ARID1A: variants seen among roughly 807,000 people sequenced by gnomAD.
ARID1A encodes the protein AT-rich interaction domain 1A, also known as AT-rich interactive domain-containing protein 1A.
In ARID1A, 20 loss-of-function variants were observed where a neutral mutation model predicts 212.6. That is an observed-to-expected ratio of 0.09 (90% CI 0.07 to 0.14). The LOEUF is 0.14. ARID1A is among the 10% of genes least tolerant of loss of function. The pLI, the probability that ARID1A is intolerant of heterozygous loss-of-function variation, is 1.00. For synonymous variants in ARID1A, 1,376 were observed against 1,222.1 expected (o/e 1.13, Z -2.63); for missense variants, 2,587 against 3,059.0 (o/e 0.85, Z 3.64).
intron 6 of ARID1A, among the ~76,000 whole-genome samples, chr1:26,761,731 G>A (rs1378343583): frequency 6.6e-6 from 1 of 152,150 alleles, no homozygotes; most frequent in East Asian, 1.9e-4. Context: ...TTACTTCTTT[G>A]TGCTGAGACC....
intron 4 of ARID1A, among the ~76,000 whole-genome samples, chr1:26,755,013 G>C (rs534268294): frequency 2.6e-5 from 4 of 152,168 alleles, no homozygotes; most frequent in Non-Finnish European, 4.4e-5. Context: ...GGAGGTTGAG[G>C]TGGGAGGATG....
chr1:26,720,420 C>G, intron 1 of ARID1A, among the ~76,000 whole-genome samples: 1 of 150,688 alleles, frequency 6.6e-6, no homozygotes, highest in Non-Finnish European at 1.5e-5. Flanking sequence ...TTGCAGTGAG[C>G]TGAGATGGCG....
In ARID1A at chr1:26,696,329, C is replaced by T. The variant is rs1262555380; in HGVS notation, c.-75C>T. Reference sequence around the variant, plus strand: ...GGGGAGGGCAGCCCGGGGGACTGGGCCCCGGGGCGGGGTGGGAGGGGGGGA... The same window carrying T: ...GGGGAGGGCAGCCCGGGGGACTGGGTCCCGGGGCGGGGTGGGAGGGGGGGA... On this transcript the variant is annotated 5_prime_UTR_variant, in exon 1 of 20. Transcript: ENST00000324856. 244 of 1,198,488 alleles carry T rather than the reference C, an allele frequency of 2.0e-4. No individual in the cohort carries two copies. The highest frequency in any genetic ancestry group is 2.2e-4 in the Non-Finnish European group (209 of 966,998). 74.2% of individuals were successfully genotyped at this position (1,198,488 alleles called of 1,614,324 possible). A position where few individuals can be genotyped will look rare whatever the true frequency, so the allele number is the denominator to read the frequency against.
At chr1:26,731,706 C>T (rs1390688526) in intron 3 of ARID1A, 102 bp downstream of exon 3, 8 of 1,257,712 alleles carry the variant, frequency 6.4e-6, no homozygotes, top group East Asian at 2.4e-5. Context: ...CTCTAACGTG[C>T]ACTTAAAGAC....
intron 4 of ARID1A, among the ~76,000 whole-genome samples, chr1:26,740,607 G>C (rs2080778980): frequency 6.6e-6 from 1 of 152,188 alleles, no homozygotes; most frequent in African/African-American, 2.4e-5. Flanking sequence ...CAGGGATCCT[G>C]CTGAGCTTAA....
At chr1:26,766,726 C>G (rs2081042888) in intron 10 of ARID1A, among the ~76,000 whole-genome samples, 160 bp downstream of exon 10, 1 of 152,016 alleles carries the variant, frequency 6.6e-6, no homozygotes, top group Admixed American at 6.6e-5. Flanking sequence ...ATGAAAGGTC[C>G]CAGAATAATA....
chr1:26,775,659 C>T lies in ARID1A; in HGVS notation c.5076C>T (p.Asn1692=), dbSNP rs149468118. The part of the protein sequence containing the change: ...AESTWALDTI[N]ILLYDDNSIM... ...GCACATGGGCATTAGATACCATCAACATCCTGCTGTATGATGACAACAGCA... is the reference window on the plus strand; with the variant it reads ...GCACATGGGCATTAGATACCATCAATATCCTGCTGTATGATGACAACAGCA... The change falls in exon 19 of 20, where the codon AAC becomes AAT. Residue 1692 remains asparagine (N), a synonymous_variant. Transcript: ENST00000324856. 6.3e-5 allele frequency: 102 copies of T among 1,614,224 alleles called. No homozygotes were observed. The African/African-American group carries it at 1.2e-3, about 20-fold the overall frequency.
chr1:26,724,042 A>G (rs548752795), intron 1 of ARID1A, among the ~76,000 whole-genome samples: 5 of 152,170 alleles, frequency 3.3e-5, no homozygotes, highest in African/African-American at 1.2e-4. Context: ...GTGGGAATCA[A>G]TTAGGGGGGT....
Position 26,696,833 on chromosome 1 carries a change from C to T in ARID1A, c.430C>T (p.Pro144Ser). ...APPHSAAAAL[P>S]PPAYGFGQPY... ...TCCTCACTCAGCCGCGGCCGCCTTG[C>T]CGCCCCCAGCCTACGGCTTCGGGCA... is the stretch of plus-strand genomic sequence containing the variant. The change falls in exon 1 of 20, where the codon CCG becomes TCG. Residue 144 changes from proline (P) to serine (S), a missense_variant. By Grantham distance (74) the Pro-to-Ser change is moderately conservative. Around this residue, in one of 11 missense-constraint regions of ARID1A, gnomAD observed 735 missense variants for 590.6 expected, o/e 1.24. Transcript: ENST00000324856. 3.7e-6 allele frequency: 5 copies of T among 1,337,980 alleles called. No individual in the cohort carries two copies. The highest frequency in any genetic ancestry group is 4.8e-6 in the Non-Finnish European group (5 of 1,046,606). The allele number at this position is 1,337,980 out of a possible 1,614,324, so 82.9% of individuals were successfully genotyped here.
intron 1 of ARID1A, among the ~76,000 whole-genome samples, chr1:26,705,994 T>C (rs2080388537): frequency 6.6e-6 from 1 of 152,150 alleles, no homozygotes; most frequent in African/African-American, 2.4e-5. Flanking sequence ...ATGGTACATA[T>C]TAGAAATCAC....
At chr1:26,759,134 A>T (rs186396924) in intron 4 of ARID1A, among the ~76,000 whole-genome samples, 31 of 152,230 alleles carry the variant, frequency 2.0e-4, no homozygotes, top group African/African-American at 6.5e-4. Flanking sequence ...GCAGGAATAG[A>T]CTCAAATCAA....
intron 4 of ARID1A, among the ~76,000 whole-genome samples, chr1:26,750,207 A>C (rs2080872348): frequency 6.6e-6 from 1 of 152,226 alleles, no homozygotes; most frequent in Non-Finnish European, 1.5e-5. Context: ...TTGGGTCAAA[A>C]TAGATGGTTT....
At chr1:26,740,537 G>A (rs1302930335) in intron 4 of ARID1A, among the ~76,000 whole-genome samples, 1 of 152,178 alleles carries the variant, frequency 6.6e-6, no homozygotes, top group African/African-American at 2.4e-5. Flanking sequence ...GTGCAGTATA[G>A]ATACTTGGGG....
chr1:26,729,701 C>T lies in ARID1A; in HGVS notation c.1188C>T (p.Gly396=), dbSNP rs61749356. ...QMGKMRPQPY[G]GTNPYSQQQG... ...GCAAGATGAGACCTCAGCCATATGG[C>T]GGGACTAACCCATACTCGCAGCAAC... is the stretch of plus-strand genomic sequence containing the variant. Residue 396 remains glycine (G), a synonymous_variant, in exon 2 of 20, where the codon GGC becomes GGT. Transcript: ENST00000324856. 5,107 of 1,614,240 alleles carry T rather than the reference C, an allele frequency of 3.2e-3. 13 individuals carry two copies. Among genetic ancestry groups the T allele is most frequent in the Non-Finnish European group, 3.9e-3 (4,656 of 1,180,036 alleles).
At position 26,775,279 on chromosome 1, in the gene ARID1A, TC is replaced by T; in HGVS notation, c.4993+62del. The stretch of plus-strand genomic sequence containing the variant: ...TGCCCCTTTCCATCTTGTCCATTGT[TC>T]CCTCCACCTTACTATTCTGGATGAG... On this transcript the variant is annotated intron_variant, in intron 18 of 19. Transcript: ENST00000324856. 4 of 1,515,050 alleles carry T rather than the reference TC, an allele frequency of 2.6e-6. No homozygotes were observed. The South Asian group carries it at 4.0e-5, about 15-fold the overall frequency. The allele number at this position is 1,515,050 out of a possible 1,614,324, so 93.9% of individuals were successfully genotyped here.
intron 1 of ARID1A, among the ~76,000 whole-genome samples, chr1:26,698,609 GAATT>G (rs1342969062): frequency 6.6e-6 from 1 of 152,236 alleles, no homozygotes; most frequent in Non-Finnish European, 1.5e-5. Context: ...AGCCTGAAAT[GAATT>G]CTGTGTTGTC....
intron 1 of ARID1A, among the ~76,000 whole-genome samples, chr1:26,711,073 C>T (rs928202126): frequency 6.6e-6 from 1 of 151,694 alleles, no homozygotes; most frequent in African/African-American, 2.4e-5. Context: ...GCCGGTCTAC[C>T]ACCCCAATTA....
intron 1 of ARID1A, among the ~76,000 whole-genome samples, chr1:26,720,040 C>G (rs1003954376): frequency 6.7e-6 from 1 of 150,366 alleles, no homozygotes; most frequent in Non-Finnish European, 1.5e-5. Flanking sequence ...ATCACGAGGT[C>G]AGGTGTTTGA....
chr1:26,706,327 T>G (rs2080391992), intron 1 of ARID1A, among the ~76,000 whole-genome samples: 1 of 152,250 alleles, frequency 6.6e-6, no homozygotes, highest in African/African-American at 2.4e-5. Flanking sequence ...TTAAACTTGT[T>G]CGTTTTCAGC....
Sources: allele counts gnomAD v4.1 joint callset (sites outside exome capture counted in the v4.1 genomes callset), GRCh38; gene constraint gnomAD v4.1.1; regional missense constraint gnomAD v4.1.1; transcripts MANE v1.5; gene names NCBI Gene and HGNC (gene_info 2026-07-23, HGNC 2026-07-21).